The following ZSWIM6 variants were observed in gnomAD, a reference collection of about 807,000 sequenced individuals.
The protein encoded by ZSWIM6 is zinc finger SWIM domain-containing protein 6.
Under a neutral mutation model 113.2 loss-of-function variants are expected in ZSWIM6, and 9 were observed. The observed-to-expected ratio is 0.08, with a 90% CI of 0.05 to 0.14. The LOEUF (loss-of-function observed/expected upper bound fraction) is 0.14, where lower values mean the gene tolerates loss of function less well. Among genes scored for constraint, ZSWIM6 ranks in the 10% least tolerant of loss-of-function variants. The pLI, the probability that ZSWIM6 is intolerant of heterozygous loss-of-function variation, is 1.00. For missense variants in ZSWIM6, 1,162 were observed against 1,552.2 expected (o/e 0.75, Z 4.22); for synonymous variants, 611 against 606.5 (o/e 1.01, Z -0.11).
In ZSWIM6 at chr5:61,529,267, A is replaced by G. The variant is rs76375098; in HGVS notation, c.1838-785A>G. Reference sequence around the variant, plus strand: ...TACTTTAGTAAACACTTAGATGTAAAATACTGCATTATTTACAACAATGGA... The same window carrying G: ...TACTTTAGTAAACACTTAGATGTAAGATACTGCATTATTTACAACAATGGA... On this transcript the variant is annotated intron_variant, in intron 7 of 13. Transcript: ENST00000252744. Among the ~76,000 whole-genome samples the G allele has an allele frequency of 7.1e-3, 1,079 of 152,378 alleles. 7 individuals are homozygous for G. The highest frequency in any genetic ancestry group is 0.014 in the Middle Eastern group (4 of 294).
chr5:61,526,344 A>T lies in ZSWIM6; in HGVS notation c.1785A>T (p.Thr595=). ...GACTAGCAATAGCTATTGTTAATACATTAAGACGACAGCAGCAGAAACAGT... is the reference window on the plus strand; with the variant it reads ...GACTAGCAATAGCTATTGTTAATACTTTAAGACGACAGCAGCAGAAACAGT... ...ALRLAIAIVN[T]LRRQQQKQLE... The change falls in exon 7 of 14, where the codon ACA becomes ACT. Residue 595 remains threonine (T), a synonymous_variant. Transcript: ENST00000252744. 6.4e-7 allele frequency: 1 copy of T among 1,552,238 alleles called. No homozygotes were observed. The highest frequency in any genetic ancestry group is 8.7e-7 in the Non-Finnish European group (1 of 1,147,086).
intron 1 of ZSWIM6, among the ~76,000 whole-genome samples, chr5:61,381,046 C>A (rs1745462866): frequency 2.0e-5 from 3 of 150,816 alleles, no homozygotes; most frequent in Admixed American, 2.0e-4. Context: ...ATCAGGAGTT[C>A]AAGACCAGCC....
At chr5:61,506,675 G>A (rs1748630910) in intron 4 of ZSWIM6, among the ~76,000 whole-genome samples, 1 of 152,126 alleles carries the variant, frequency 6.6e-6, no homozygotes, top group African/African-American at 2.4e-5. Flanking sequence ...CACAATTTTA[G>A]TGTGATTTGA....
At position 61,404,917 on chromosome 5, in the gene ZSWIM6, A is replaced by G. The variant is rs1376414857; in HGVS notation, c.677-67764A>G. ...AGTTATGCAGGTAATTTTGATGCCCAGTTAGATTTGAGAACTGTAGGATAT... is the reference window on the plus strand; with the variant it reads ...AGTTATGCAGGTAATTTTGATGCCCGGTTAGATTTGAGAACTGTAGGATAT... On this transcript the variant is annotated intron_variant, in intron 1 of 13. Coordinates refer to ENST00000252744, the MANE Select transcript of ZSWIM6 (RefSeq NM_020928.2). Among the ~76,000 whole-genome samples, 4 of 152,330 alleles carry G rather than the reference A, an allele frequency of 2.6e-5. No individual in the cohort carries two copies. The East Asian group carries it at 7.7e-4, about 29-fold the overall frequency.
intron 1 of ZSWIM6, among the ~76,000 whole-genome samples, chr5:61,379,185 G>GAA (rs1211778480): frequency 0.017 from 669 of 38,536 alleles, 47 homozygotes; most frequent in African/African-American, 0.056. Flanking sequence ...TCCTGTCTCT[G>GAA]AAAAAAAAAA....
intron 1 of ZSWIM6, among the ~76,000 whole-genome samples, chr5:61,440,000 TTAG>T (rs1012238417): frequency 6.6e-6 from 1 of 152,120 alleles, no homozygotes; most frequent in African/African-American, 2.4e-5. Context: ...AAATCATGAC[TTAG>T]TATTTTACTG....
chr5:61,354,529 T>G (rs1744858910), intron 1 of ZSWIM6, among the ~76,000 whole-genome samples: 1 of 152,180 alleles, frequency 6.6e-6, no homozygotes, highest in Non-Finnish European at 1.5e-5. Flanking sequence ...AGTATGTAAT[T>G]ATCACACTAC....
At chr5:61,395,092 G>A (rs1277561389) in intron 1 of ZSWIM6, among the ~76,000 whole-genome samples, 1 of 152,204 alleles carries the variant, frequency 6.6e-6, no homozygotes, top group African/African-American at 2.4e-5. Flanking sequence ...GTTAGGGGAT[G>A]TGTTAAGCAT....
intron 1 of ZSWIM6, among the ~76,000 whole-genome samples, chr5:61,443,316 A>T (rs187528706): frequency 6.2e-4 from 95 of 152,332 alleles, no homozygotes; most frequent in South Asian, 2.9e-3. Context: ...CATAATCATT[A>T]TAACAACCTA....
intron 1 of ZSWIM6, among the ~76,000 whole-genome samples, chr5:61,348,791 T>C (rs1490837090): frequency 1.3e-5 from 2 of 152,206 alleles, no homozygotes; most frequent in African/African-American, 2.4e-5. Flanking sequence ...AAATCTGTAA[T>C]AGTAAACCAG....
intron 1 of ZSWIM6, among the ~76,000 whole-genome samples, chr5:61,439,111 A>C (rs1746772415): frequency 6.6e-6 from 1 of 152,202 alleles, no homozygotes; most frequent in African/African-American, 2.4e-5. Context: ...AGAAACAGAC[A>C]TTTGAGAATG....
intron 1 of ZSWIM6, among the ~76,000 whole-genome samples, chr5:61,335,092 G>A (rs1744365759): frequency 6.6e-6 from 1 of 152,366 alleles, no homozygotes; most frequent in East Asian, 1.9e-4. Flanking sequence ...GGCTTTGCCT[G>A]CTTTCATCAG....
At chr5:61,386,523 A>G (rs575217876) in intron 1 of ZSWIM6, among the ~76,000 whole-genome samples, 3 of 152,210 alleles carry the variant, frequency 2.0e-5, no homozygotes, top group African/African-American at 4.8e-5. Flanking sequence ...TTTTCAGTCA[A>G]TGGTTAATGG....
intron 1 of ZSWIM6, among the ~76,000 whole-genome samples, chr5:61,450,077 T>C (rs963417267): frequency 6.6e-6 from 1 of 152,198 alleles, no homozygotes; most frequent in African/African-American, 2.4e-5. Context: ...GATATATCCC[T>C]GTCACCACCT....
In ZSWIM6 at chr5:61,544,085, G is replaced by A. The variant is rs1749818268; in HGVS notation, c.3416G>A (p.Arg1139Lys). The A allele has an allele frequency of 6.4e-7, 1 of 1,551,830 alleles. No individual in the cohort carries two copies. Among genetic ancestry groups the A allele is most frequent in the African/African-American group, 1.4e-5 (1 of 73,048 alleles). The stretch of plus-strand genomic sequence containing the variant: ...ATGTCACTGGACAAAGCCCCCTTGA[G>A]GCAACTCTTGGATGCCACGATCGGG... ...KLMSLDKAPL[R>K]QLLDATIGAY... The change falls in exon 14 of 14, where the codon AGG becomes AAG. Residue 1139 changes from arginine to lysine, a missense_variant. Physicochemically the swap from Arg to Lys is conservative, Grantham distance 26 (BLOSUM62 2). Coordinates refer to ENST00000252744, the MANE Select transcript of ZSWIM6 (RefSeq NM_020928.2).
At chr5:61,478,323 A>G (rs1561254206) in intron 2 of ZSWIM6, among the ~76,000 whole-genome samples, 1 of 152,108 alleles carries the variant, frequency 6.6e-6, no homozygotes, top group Non-Finnish European at 1.5e-5. Context: ...GCAAGTCCTC[A>G]TTTTTTCCCC....
intron 1 of ZSWIM6, among the ~76,000 whole-genome samples, chr5:61,363,169 AG>A (rs35548148): frequency 5.8e-4 from 88 of 152,338 alleles, no homozygotes; most frequent in Non-Finnish European, 1.1e-3. Flanking sequence ...ACTGCCTGCA[AG>A]GAAGGTGTTT....
intron 1 of ZSWIM6, among the ~76,000 whole-genome samples, chr5:61,410,060 A>G (rs764104565): frequency 1.3e-5 from 2 of 152,170 alleles, no homozygotes; most frequent in African/African-American, 2.4e-5. Context: ...AAGCTTCCGT[A>G]TGATCTTCAT....
At chr5:61,480,595 AAAATTGT>A (rs969254160) in intron 2 of ZSWIM6, among the ~76,000 whole-genome samples, 4 of 152,212 alleles carry the variant, frequency 2.6e-5, no homozygotes, top group Non-Finnish European at 5.9e-5. Flanking sequence ...CAACTACAAC[AAAATTGT>A]AAATTGAAAT....
Sources: gnomAD v4.1 joint callset for allele counts (sites outside exome capture counted in the v4.1 genomes callset) on GRCh38, gnomAD v4.1.1 for gene constraint, MANE v1.5 for transcripts, NCBI Gene and HGNC (gene_info 2026-07-23, HGNC 2026-07-21) for gene names.